Variants in CRTAC1 observed in about 807,000 individuals in gnomAD.
The protein encoded by CRTAC1 is acidic secreted protein in cartilage.
In CRTAC1, 37 loss-of-function variants were observed where a neutral mutation model predicts 67.8. That is an observed-to-expected ratio of 0.55 (90% confidence interval 0.42 to 0.72). The LOEUF (loss-of-function observed/expected upper bound fraction) is 0.72, where lower values mean the gene tolerates loss of function less well. Among genes scored for constraint, CRTAC1 ranks in the 30% least tolerant of loss-of-function variants. The pLI is 0.00. For synonymous variants in CRTAC1, 348 were observed against 371.0 expected (o/e 0.94, Z 0.71); for missense variants, 780 against 931.6 (o/e 0.84, Z 2.12).
intron 14 of CRTAC1, chr10:97,879,902 CA>C (rs1012548042): frequency 1.8e-6 from 2 of 1,124,550 alleles, no homozygotes; most frequent in African/African-American, 3.2e-5. Context: ...AAGAAATTAC[CA>C]GTTTAGAAAT....
chr10:97,893,102 T>C (rs2050400579), intron 11 of CRTAC1, among the ~76,000 whole-genome samples: 1 of 152,224 alleles, frequency 6.6e-6, no homozygotes, highest in Non-Finnish European at 1.5e-5. Flanking sequence ...AACATGGGGA[T>C]AATATTGCTC....
At chr10:98,028,457 A>G (rs745671097) in intron 1 of CRTAC1, among the ~76,000 whole-genome samples, 46 of 152,208 alleles carry the variant, frequency 3.0e-4, no homozygotes, top group Non-Finnish European at 5.9e-4. Context: ...AGGCTGTCAC[A>G]AGCTGTTTAG....
chr10:98,030,619 T>G lies in CRTAC1; in HGVS notation c.-147A>C. ...GCCCCGACGCCGCGCGCTCGCTTTA[T>G]ACAACTCCACTCGAGCGCGCCCGGT... On this transcript the variant is annotated 5_prime_UTR_variant, in exon 1 of 15. Transcript: ENST00000370597. The surrounding 1 kb of genome is among the most constrained non-coding windows in gnomAD (Gnocchi z 4.2). The G allele has an allele frequency of 2.3e-6, 1 of 427,430 alleles. No individual in the cohort carries two copies. The highest frequency in any genetic ancestry group is 2.1e-5 in the African/African-American group (1 of 48,472). The allele number at this position is 427,430 out of a possible 1,614,324, so 26.5% of individuals were successfully genotyped here.
chr10:97,959,039 C>T (rs181708612), intron 2 of CRTAC1, among the ~76,000 whole-genome samples: 12 of 152,206 alleles, frequency 7.9e-5, no homozygotes, highest in Admixed American at 3.9e-4. Flanking sequence ...AAAGAGCTGC[C>T]GGCCATTATG....
At chr10:97,974,138 A>AT (rs140333573) in intron 2 of CRTAC1, among the ~76,000 whole-genome samples, 108 of 152,202 alleles carry the variant, frequency 7.1e-4, no homozygotes, top group African/African-American at 2.4e-3. Context: ...TGCAGGAGAT[A>AT]TTTTTGCATG....
chr10:97,879,858 G>GC, intron 14 of CRTAC1: 2 of 645,812 alleles, frequency 3.1e-6, no homozygotes, highest in Non-Finnish European at 2.5e-6. Context: ...AGGGGGTGGG[G>GC]ACGGGGTGGG....
chr10:98,020,197 T>C (rs773884762), intron 1 of CRTAC1, among the ~76,000 whole-genome samples: 26 of 152,082 alleles, frequency 1.7e-4, no homozygotes, highest in Non-Finnish European at 3.2e-4. Context: ...AATCTCAGAG[T>C]GGGTCGTGTG....
At position 97,896,902 on chromosome 10, in the gene CRTAC1, C is replaced by T. The variant is rs1368896345; in HGVS notation, c.1216+7G>A. 2.6e-5 allele frequency: 41 copies of T among 1,549,104 alleles called. No homozygotes were observed. Among genetic ancestry groups the T allele is most frequent in the Non-Finnish European group, 3.5e-5 (40 of 1,144,262 alleles). On this transcript the variant is annotated splice_region_variant and intron_variant, in intron 9 of 14. Coordinates refer to ENST00000370597, the MANE Select transcript of CRTAC1 (RefSeq NM_018058.7). ...AGTGCAGGCCAGATCCCCCAGGTGC[C>T]CCTCACCTGTGCCCCGGCCCTCAGG...
intron 2 of CRTAC1, among the ~76,000 whole-genome samples, chr10:98,005,064 T>G (rs1167965618): frequency 7.1e-6 from 1 of 141,712 alleles, no homozygotes; most frequent in Admixed American, 7.2e-5. Flanking sequence ...TGTGCTTAAG[T>G]GTAATGTAAA....
intron 1 of CRTAC1, among the ~76,000 whole-genome samples, chr10:98,028,963 C>A (rs189772408): frequency 1.1e-4 from 17 of 152,206 alleles, no homozygotes; most frequent in Non-Finnish European, 7.4e-5. Context: ...TAGTACCCAC[C>A]GGAAATGGAA....
At chr10:97,958,192 C>G (rs2051471088) in intron 2 of CRTAC1, among the ~76,000 whole-genome samples, 1 of 152,106 alleles carries the variant, frequency 6.6e-6, no homozygotes, top group Non-Finnish European at 1.5e-5. Flanking sequence ...TCCTGGCTCC[C>G]TCAGCCCCAG....
intron 11 of CRTAC1, among the ~76,000 whole-genome samples, chr10:97,885,291 G>C (rs1459472493): frequency 6.6e-6 from 1 of 152,154 alleles, no homozygotes; most frequent in Non-Finnish European, 1.5e-5. Context: ...GCTGAGCCCA[G>C]GACTTCAAGG....
At chr10:97,913,854 C>T (rs2050723112) in intron 5 of CRTAC1, among the ~76,000 whole-genome samples, 1 of 152,200 alleles carries the variant, frequency 6.6e-6, no homozygotes, top group Admixed American at 6.5e-5. Context: ...TGGTTGAGCT[C>T]ACTGGTGAGG....
intron 3 of CRTAC1, among the ~76,000 whole-genome samples, chr10:97,934,319 A>G (rs2051048300): frequency 6.6e-6 from 1 of 152,228 alleles, no homozygotes; most frequent in Non-Finnish European, 1.5e-5. Context: ...ATCCAGCTGC[A>G]TAATCATGCC....
chr10:97,978,452 C>T lies in CRTAC1; in HGVS notation c.224+32686G>A, dbSNP rs188018166. On this transcript the variant is annotated intron_variant, in intron 2 of 14. Coordinates refer to ENST00000370597, the MANE Select transcript of CRTAC1 (RefSeq NM_018058.7). ...ATAGTACATCATTACTCCAATGAGA[C>T]GACAGATGTAAAGAACTTTCTAGTG... Among the ~76,000 whole-genome samples the T allele has an allele frequency of 4.1e-3, 617 of 152,210 alleles. 2 individuals are homozygous for T. The highest frequency in any genetic ancestry group is 0.014 in the African/African-American group (584 of 41,516).
Position 97,985,951 on chromosome 10 carries a change from T to C in CRTAC1, c.224+25187A>G, listed in dbSNP as rs949745212. ...GGGACAGAAGGCCACAACCTCCCTA[T>C]TGAGGATCTTTGAGAAGTTATTCCA... On this transcript the variant is annotated intron_variant, in intron 2 of 14. Transcript: ENST00000370597. Among the ~76,000 whole-genome samples the C allele has an allele frequency of 5.9e-5, 9 of 152,212 alleles. No homozygotes were observed. In the East Asian group the frequency reaches 1.7e-3, roughly 29 times the overall value.
At position 97,895,090 on chromosome 10, in the gene CRTAC1, G is replaced by A. The variant is rs2136556313; in HGVS notation, c.1486+155C>T. Among the ~76,000 whole-genome samples, 1 of 152,224 alleles carries A rather than the reference G, an allele frequency of 6.6e-6. No homozygotes were observed. Among genetic ancestry groups the A allele is most frequent in the African/African-American group, 2.4e-5 (1 of 41,544 alleles). ...CCCACTCGCCTCTTCTTGAGCTCAG[G>A]CTCATCTCAGAGTAGGGTTTGTCCC... On this transcript the variant is annotated intron_variant, in intron 11 of 14. Coordinates refer to ENST00000370597, the MANE Select transcript of CRTAC1 (RefSeq NM_018058.7). The surrounding 1 kb of genome is among the most constrained non-coding windows in gnomAD (Gnocchi z 4.2).
At chr10:97,947,248 C>T (rs1028242175) in intron 2 of CRTAC1, among the ~76,000 whole-genome samples, 1 of 152,174 alleles carries the variant, frequency 6.6e-6, no homozygotes, top group East Asian at 1.9e-4. Flanking sequence ...GTGATGGACG[C>T]ACATGGCATA....
intron 2 of CRTAC1, among the ~76,000 whole-genome samples, chr10:97,961,316 T>C (rs1303721917): frequency 6.6e-6 from 1 of 152,196 alleles, no homozygotes; most frequent in African/African-American, 2.4e-5. Flanking sequence ...TTCTCATCTT[T>C]TGTTACTTCC....
Sources: allele counts gnomAD v4.1 joint callset (sites outside exome capture counted in the v4.1 genomes callset), GRCh38; gene constraint gnomAD v4.1.1; non-coding constraint Gnocchi (gnomAD v3.1); transcripts MANE v1.5; gene names NCBI Gene and HGNC (gene_info 2026-07-23, HGNC 2026-07-21).